PRSS54: variants seen among roughly 807,000 people sequenced by gnomAD.
PRSS54 encodes inactive serine protease 54.
PRSS54 carries 16 observed loss-of-function variants against 19.9 expected under a neutral mutation model. The observed-to-expected ratio is 0.80, with a 90% CI of 0.54 to 1.22. The LOEUF (loss-of-function observed/expected upper bound fraction) is 1.22, where lower values mean the gene tolerates loss of function less well. Among genes scored for constraint, PRSS54 ranks in the 50% most tolerant of loss-of-function variants. The pLI, the probability that PRSS54 is intolerant of heterozygous loss-of-function variation, is 0.00. For synonymous variants in PRSS54, 177 were observed against 195.8 expected (o/e 0.90, Z 0.80); for missense variants, 444 against 494.8 (o/e 0.90, Z 0.97).
chr16:58,282,159 C>A (rs78302648), intron 6 of PRSS54: 15,162 of 152,150 alleles, frequency 0.1, 851 homozygotes, highest in Admixed American at 0.12. Context: ...CAGGCGCCCA[C>A]CACCACACCT....
chr16:58,291,260 T>A, intron 3 of PRSS54, 124 bp from the exon 4 acceptor site: 1 of 860,892 alleles, frequency 1.2e-6, no homozygotes. Flanking sequence ...TTTTGCCTAG[T>A]GTGTCTTCTT....
intron 4 of PRSS54, among the ~76,000 whole-genome samples, chr16:58,289,447 G>T (rs1964989967): frequency 6.6e-6 from 1 of 152,146 alleles, no homozygotes; most frequent in Admixed American, 6.5e-5. Flanking sequence ...TATTTAAGAA[G>T]GAATAGGCAA....
At position 58,290,856 on chromosome 16, in the gene PRSS54, C is replaced by A. The variant is rs1307394259; in HGVS notation, c.263+103G>T. On this transcript the variant is annotated intron_variant, in intron 4 of 6. Coordinates refer to ENST00000567164, the MANE Select transcript of PRSS54 (RefSeq NM_001305173.2). ...TGAGCTGGTAAAAAGCCCTGTCCCC[C>A]CAGAATGCACCTTTCAGGGCCTCCC... The A allele has an allele frequency of 9.9e-6, 13 of 1,314,428 alleles. No individual in the cohort carries two copies. In the Admixed American group the frequency reaches 2.3e-4, roughly 23 times the overall value. 81.4% of individuals were successfully genotyped at this position (1,314,428 alleles called of 1,614,324 possible).
chr16:58,287,594 T>A (rs1484417998), intron 4 of PRSS54, among the ~76,000 whole-genome samples: 1 of 152,184 alleles, frequency 6.6e-6, no homozygotes, highest in Non-Finnish European at 1.5e-5. Flanking sequence ...ATCTCTTGCC[T>A]CTTTTATGCA....
At chr16:58,288,423 C>CA (rs145245937) in intron 4 of PRSS54, among the ~76,000 whole-genome samples, 15,647 of 150,280 alleles carry the variant, frequency 0.1, 898 homozygotes, top group East Asian at 0.13. Context: ...AAGATTGTCT[C>CA]AAAAAAAAAT....
chr16:58,287,705 G>A (rs2142645946), intron 4 of PRSS54, among the ~76,000 whole-genome samples: 1 of 152,300 alleles, frequency 6.6e-6, no homozygotes, highest in East Asian at 1.9e-4. Flanking sequence ...AGAGTAGAGT[G>A]GATCTGAAGG....
rs774866269 is a variant in PRSS54, at chr16:58,280,174, G to T, written c.*50C>A. On this transcript the variant is annotated 3_prime_UTR_variant, in exon 7 of 7. Transcript: ENST00000567164. ...ATCAAAACAGCATGGTGAATGCCTG[G>T]CACTCAGCATTCTCAGTTTACTCTT... 6.5e-7 allele frequency: 1 copy of T among 1,536,058 alleles called. No homozygotes were observed. The highest frequency in any genetic ancestry group is 8.8e-7 in the Non-Finnish European group (1 of 1,131,694).
At chr16:58,292,980 A>G (rs1965068022) in intron 3 of PRSS54, among the ~76,000 whole-genome samples, 1 of 152,138 alleles carries the variant, frequency 6.6e-6, no homozygotes, top group Admixed American at 6.5e-5. Flanking sequence ...TGGGGCTGCA[A>G]GAAGACAGAG....
rs565887028 is a variant in PRSS54, at chr16:58,289,300, T to C, written c.263+1659A>G. 2.3e-4 allele frequency among the ~76,000 whole-genome samples: 35 copies of C among 152,338 alleles called. No homozygotes were observed. The South Asian group carries it at 5.8e-3, about 25-fold the overall frequency. The stretch of plus-strand genomic sequence containing the variant: ...AACTGTGAGAAATAAATTTCTGTTG[T>C]TTAAGCCACCCAGTCTGTGATATTT... On this transcript the variant is annotated intron_variant, in intron 4 of 6. Transcript: ENST00000567164.
chr16:58,281,221 T>C (rs16960029), intron 6 of PRSS54: 16,922 of 165,322 alleles, frequency 0.1, 974 homozygotes, highest in Admixed American at 0.12. Context: ...CTACTCCCAA[T>C]GGAGCAGTCC....
chr16:58,286,735 C>T (rs955997650), intron 4 of PRSS54, among the ~76,000 whole-genome samples: 1 of 152,056 alleles, frequency 6.6e-6, no homozygotes, highest in African/African-American at 2.4e-5. Flanking sequence ...GGAACAAATA[C>T]AAACACCGTA....
chr16:58,281,908 T>A (rs1379277457), intron 6 of PRSS54: 1 of 152,588 alleles, frequency 6.6e-6, no homozygotes, highest in Admixed American at 6.5e-5. Flanking sequence ...AGTGGTGCAA[T>A]CTTGGCTCAC....
intron 4 of PRSS54, among the ~76,000 whole-genome samples, chr16:58,286,894 A>T (rs987926919): frequency 5.3e-5 from 8 of 152,216 alleles, no homozygotes; most frequent in African/African-American, 1.9e-4. Flanking sequence ...CAAAGAAGCG[A>T]AAAGGAAAGA....
intron 4 of PRSS54, among the ~76,000 whole-genome samples, chr16:58,289,233 C>T (rs1259692847): frequency 6.6e-6 from 1 of 152,132 alleles, no homozygotes; most frequent in Non-Finnish European, 1.5e-5. Context: ...TCAGGAGAAA[C>T]CAAATCTACT....
chr16:58,286,750 C>G (rs912109619), intron 4 of PRSS54, among the ~76,000 whole-genome samples: 8 of 151,952 alleles, frequency 5.3e-5, no homozygotes, highest in African/African-American at 1.9e-4. Context: ...ACCGTAAAAC[C>G]AAGAGACGCT....
intron 5 of PRSS54, among the ~76,000 whole-genome samples, chr16:58,285,723 CA>C (rs1178010291): frequency 0.13 from 10,391 of 78,880 alleles, 940 homozygotes; most frequent in East Asian, 0.3. Flanking sequence ...GACCCTGTCT[CA>C]AAAAAAAAAA....
chr16:58,284,491 C>G, intron 6 of PRSS54, 99 bp downstream of exon 6: 1 of 1,432,332 alleles, frequency 7.0e-7, no homozygotes, highest in Non-Finnish European at 9.7e-7. Flanking sequence ...GCCCTGCCCT[C>G]ACAGAGCTCC....
At chr16:58,293,678 C>A in intron 3 of PRSS54, 54 bp downstream of exon 3, 1 of 1,570,624 alleles carries the variant, frequency 6.4e-7, no homozygotes, top group African/African-American at 1.3e-5. Context: ...CGGATGATCC[C>A]CTTCTGTGCC....
At chr16:58,293,650 A>C in intron 3 of PRSS54, 82 bp downstream of exon 3, 2 of 1,549,858 alleles carry the variant, frequency 1.3e-6, no homozygotes, top group Non-Finnish European at 8.7e-7. Flanking sequence ...TTGGACATTA[A>C]GGACCACTTC....
Sources: allele counts gnomAD v4.1 joint callset (sites outside exome capture counted in the v4.1 genomes callset), GRCh38; gene constraint gnomAD v4.1.1; transcripts MANE v1.5; gene names NCBI Gene and HGNC (gene_info 2026-07-23, HGNC 2026-07-21).